Variants in CTH observed in about 807,000 individuals in gnomAD.
The protein encoded by CTH is cystathionase (cystathionine gamma-lyase).
Under a neutral mutation model 50.6 loss-of-function variants are expected in CTH, and 41 were observed. The ratio of observed to expected loss-of-function variants is 0.81; its 90% CI spans 0.63 to 1.05. The LOEUF (loss-of-function observed/expected upper bound fraction) is 1.05, where lower values mean the gene tolerates loss of function less well. Among genes scored for constraint, CTH ranks in the 50% least tolerant of loss-of-function variants. CTH has a pLI of 0.00. For missense variants in CTH, 470 were observed against 492.6 expected, an observed-to-expected ratio of 0.95 and a Z score of 0.43; for synonymous variants, 156 against 168.9, an observed-to-expected ratio of 0.92 and a Z score of 0.59.
At chr1:70,418,650 A>G (rs993031101) in intron 3 of CTH, among the ~76,000 whole-genome samples, 3 of 152,234 alleles carry the variant, frequency 2.0e-5, no homozygotes, top group African/African-American at 4.8e-5. Flanking sequence ...TAAGGTTTAG[A>G]GAGACAGTGT....
intron 9 of CTH, among the ~76,000 whole-genome samples, chr1:70,434,155 A>G (rs1468422558): frequency 6.6e-6 from 1 of 152,240 alleles, no homozygotes. Flanking sequence ...AACTCTCCAC[A>G]TACTACAATC....
In CTH at chr1:70,433,834, C is replaced by T; in HGVS notation, c.884C>T (p.Pro295Leu). 1 of 1,613,994 alleles carries T rather than the reference C, an allele frequency of 6.2e-7. No individual in the cohort carries two copies. The highest frequency in any genetic ancestry group is 8.5e-7 in the Non-Finnish European group (1 of 1,179,974). ...WVEKVIYPGL[P>L]SHPQHELVKR... ...TGATACCTTATGATTACAGGGCTGC[C>T]CTCTCATCCACAGCATGAGTTGGTG... Residue 295 changes from proline (P) to leucine (L), a missense_variant, in exon 9 of 12, where the codon CCC becomes CTC. Coordinates refer to ENST00000370938, the MANE Select transcript of CTH (RefSeq NM_001902.6).
intron 6 of CTH, 133 bp downstream of exon 6, chr1:70,429,984 C>T (rs964073051): frequency 1.6e-5 from 11 of 687,136 alleles, no homozygotes; most frequent in Middle Eastern, 5.6e-4. Flanking sequence ...AAAAAAAAAT[C>T]CTTTGATTAA....
At chr1:70,418,162 C>G in intron 3 of CTH, 130 bp downstream of exon 3, 1 of 1,033,916 alleles carries the variant, frequency 9.7e-7, no homozygotes, top group Non-Finnish European at 1.4e-6. Flanking sequence ...GTGACAGGTA[C>G]CTCTATGCTC....
In CTH at chr1:70,430,332, T is replaced by C; in HGVS notation, c.662T>C (p.Val221Ala). 3.8e-6 allele frequency: 6 copies of C among 1,594,724 alleles called. No homozygotes were observed. The highest frequency in any genetic ancestry group is 5.2e-6 in the Non-Finnish European group (6 of 1,162,466). Residue 221 changes from valine to alanine, a missense_variant, in exon 7 of 12, where the codon GTA becomes GCA. Physicochemically the swap from Val to Ala is moderately conservative, Grantham distance 64. Transcript: ENST00000370938. ...TTGTTTTTAGGCCACAGTGATGTTG[T>C]AATGGGCCTGGTGTCTGTTAATTGT... ...TKYMNGHSDV[V>A]MGLVSVNCES...
intron 1 of CTH, among the ~76,000 whole-genome samples, chr1:70,414,062 G>C (rs1684034216): frequency 6.6e-6 from 1 of 151,808 alleles, no homozygotes; most frequent in African/African-American, 2.4e-5. Flanking sequence ...ACCACTAAAG[G>C]GAATTTGAAG....
chr1:70,422,572 T>C (rs1203439468), intron 4 of CTH, among the ~76,000 whole-genome samples: 2 of 152,010 alleles, frequency 1.3e-5, no homozygotes, highest in African/African-American at 2.4e-5. Flanking sequence ...TTTATCTTGC[T>C]TGGGAGAAAA....
chr1:70,420,557 C>T (rs916374729), intron 3 of CTH, among the ~76,000 whole-genome samples: 1 of 152,072 alleles, frequency 6.6e-6, no homozygotes, highest in African/African-American at 2.4e-5. Flanking sequence ...ATTGCTTACC[C>T]GCTGCTCACC....
At chr1:70,420,212 A>T (rs1831869) in intron 3 of CTH, among the ~76,000 whole-genome samples, 1 of 151,900 alleles carries the variant, frequency 6.6e-6, no homozygotes, top group African/African-American at 2.4e-5. Flanking sequence ...GGCTGGTCTC[A>T]AACTCCCGAC....
At chr1:70,437,189 A>C (rs1684615612) in intron 10 of CTH, among the ~76,000 whole-genome samples, 2 of 152,216 alleles carry the variant, frequency 1.3e-5, no homozygotes, top group South Asian at 4.1e-4. Context: ...CACTCTACAT[A>C]GCTCTTAGGT....
At position 70,433,775 on chromosome 1, in the gene CTH, A is replaced by C. The variant is rs969063951; in HGVS notation, c.878-53A>C. The C allele has an allele frequency of 8.2e-5, 131 of 1,587,948 alleles. 4 individuals are homozygous for C. Among genetic ancestry groups the C allele is most frequent in the South Asian group, 7.0e-4 (63 of 90,382 alleles). On this transcript the variant is annotated intron_variant, in intron 8 of 11. Transcript: ENST00000370938. ...GTGAAAAATACCACCCTCCCCCCCC[A>C]AAAATTACATGTTTAATTCTAAAAT...
intron 1 of CTH, among the ~76,000 whole-genome samples, chr1:70,412,265 C>A (rs1333546978): frequency 6.6e-6 from 1 of 152,236 alleles, no homozygotes; most frequent in African/African-American, 2.4e-5. Context: ...ATGCTAGTAA[C>A]AATTTAGCCT....
chr1:70,433,917 C>T lies in CTH; in HGVS notation c.967C>T (p.Gln323Ter). ...MVTFYIKGTL[Q>*]HAEIFLKNLK... is the part of the protein sequence containing the mutation. Reference sequence around the variant, plus strand: ...CACCTTTTATATTAAGGGCACTCTTCAGCATGCTGAGATTTTCCTCAAGAA... The same window carrying T: ...CACCTTTTATATTAAGGGCACTCTTTAGCATGCTGAGATTTTCCTCAAGAA... Residue 323 changes from glutamine to a stop codon, truncating the protein, a stop_gained, in exon 9 of 12, where the codon CAG becomes TAG. Transcript: ENST00000370938. LOFTEE classifies it high-confidence loss of function. The T allele has an allele frequency of 6.2e-7, 1 of 1,614,072 alleles. No individual in the cohort carries two copies. Among genetic ancestry groups the T allele is most frequent in the Non-Finnish European group, 8.5e-7 (1 of 1,179,962 alleles).
chr1:70,418,012 G>C lies in CTH; in HGVS notation c.326G>C (p.Cys109Ser). ...HLLKAGDQII[C>S]MDDVYGGTNR... ...TTAAAAGCAGGAGACCAAATTATTT[G>C]TATGGATGATGTGTATGGAGGTAGG... Residue 109 changes from cysteine to serine, a missense_variant, in exon 3 of 12, where the codon TGT becomes TCT. Transcript: ENST00000370938. The C allele has an allele frequency of 1.2e-6, 2 of 1,614,084 alleles. No individual in the cohort carries two copies. Among genetic ancestry groups the C allele is most frequent in the South Asian group, 2.2e-5 (2 of 91,084 alleles).
intron 3 of CTH, among the ~76,000 whole-genome samples, chr1:70,420,222 C>T (rs1831868): frequency 0.092 from 13,938 of 152,144 alleles, 875 homozygotes; most frequent in East Asian, 0.3. Context: ...AAACTCCCGA[C>T]CTTAGGTGAT....
chr1:70,421,464 G>T (rs2101737267), intron 3 of CTH, 102 bp from the exon 4 acceptor site: 1 of 1,233,462 alleles, frequency 8.1e-7, no homozygotes, highest in Non-Finnish European at 1.2e-6. Flanking sequence ...TTTCCTTGGT[G>T]ACTGAGAGTT....
rs1684684051 is a variant in CTH at position 70,439,774 on chromosome 1, T to C, written c.*647T>C. 1 of 152,142 alleles carries C rather than the reference T, an allele frequency of 6.6e-6. No individual in the cohort carries two copies. The highest frequency in any genetic ancestry group is 2.4e-5 in the African/African-American group (1 of 41,386). 9.4% of individuals were successfully genotyped at this position (152,142 alleles called of 1,614,324 possible). On this transcript the variant is annotated 3_prime_UTR_variant, in exon 12 of 12. Transcript: ENST00000370938. ...CCTGGCTAGCGCAGTGAAACCCCCA[T>C]CTCTACTAAAAATGCAAAAAAAATT... is the stretch of plus-strand genomic sequence containing the variant.
chr1:70,430,462 C>G (rs1684440776), intron 7 of CTH, 68 bp downstream of exon 7: 2 of 815,098 alleles, frequency 2.5e-6, no homozygotes, highest in Non-Finnish European at 4.4e-6. Context: ...TGTATTTCCA[C>G]TAAGTGATGT....
intron 1 of CTH, among the ~76,000 whole-genome samples, chr1:70,413,327 G>A (rs1315251551): frequency 6.7e-6 from 1 of 150,022 alleles, no homozygotes. Context: ...GCAGTGGTGC[G>A]ATCTCGGCTC....
Sources: allele counts gnomAD v4.1 joint callset (sites outside exome capture counted in the v4.1 genomes callset), GRCh38; gene constraint gnomAD v4.1.1; transcripts MANE v1.5; gene names NCBI Gene and HGNC (gene_info 2026-07-23, HGNC 2026-07-21).